Variants in MYO5B observed in about 807,000 individuals in gnomAD.
The protein encoded by MYO5B is unconventional myosin-Vb.
In MYO5B, 143 loss-of-function variants were observed where a neutral mutation model predicts 229.3. That is an observed-to-expected ratio of 0.62 (90% confidence interval 0.54 to 0.72). MYO5B has a LOEUF of 0.72. Ranked by LOEUF, MYO5B falls within the 30% of genes least tolerant of loss-of-function variation. The pLI, the probability that MYO5B is intolerant of heterozygous loss-of-function variation, is 0.00. For missense variants in MYO5B, 2,321 were observed against 2,331.0 expected (o/e 1.00, Z 0.09); for synonymous variants, 918 against 885.2 (o/e 1.04, Z -0.66).
chr18:50,114,681 C>T (rs980177681), intron 1 of MYO5B, among the ~76,000 whole-genome samples: 15 of 152,152 alleles, frequency 9.9e-5, no homozygotes, highest in African/African-American at 3.4e-4. Flanking sequence ...AACTAGAGGA[C>T]CAGAAATAAG....
chr18:49,831,325 A>C (rs915660793), intron 39 of MYO5B, among the ~76,000 whole-genome samples: 1 of 152,248 alleles, frequency 6.6e-6, no homozygotes, highest in Non-Finnish European at 1.5e-5. Context: ...AAGAAAGTGA[A>C]AAGACAACCC....
At chr18:50,124,709 CCCTT>C (rs780087011) in intron 1 of MYO5B, among the ~76,000 whole-genome samples, 77 of 152,088 alleles carry the variant, frequency 5.1e-4, no homozygotes, top group Non-Finnish European at 6.9e-4. Flanking sequence ...CCCCCTGGTG[CCCTT>C]CCTATCAGTA....
chr18:50,020,890 T>A (rs2026266428), intron 4 of MYO5B, among the ~76,000 whole-genome samples: 1 of 152,234 alleles, frequency 6.6e-6, no homozygotes, highest in Non-Finnish European at 1.5e-5. Flanking sequence ...CTAACTGGTA[T>A]TATCTAATTA....
intron 4 of MYO5B, among the ~76,000 whole-genome samples, chr18:50,004,586 TCTTTTGCACATA>T (rs532524896): frequency 7.4e-4 from 113 of 152,304 alleles, no homozygotes; most frequent in African/African-American, 2.6e-3. Context: ...TTATTGCACT[TCTTTTGCACATA>T]CTAGGCACTT....
intron 10 of MYO5B, among the ~76,000 whole-genome samples, chr18:49,968,128 C>A (rs1019029173): frequency 6.6e-6 from 1 of 152,082 alleles, no homozygotes; most frequent in African/African-American, 2.4e-5. Context: ...GGGCAGATGA[C>A]AGGAAACTAG....
intron 12 of MYO5B, among the ~76,000 whole-genome samples, chr18:49,961,147 G>A (rs747536035): frequency 2.2e-4 from 33 of 152,206 alleles, no homozygotes; most frequent in African/African-American, 7.5e-4. Context: ...TGAACAGCAG[G>A]ATGGCCTAGG....
intron 30 of MYO5B, among the ~76,000 whole-genome samples, chr18:49,854,734 C>T (rs370084874): frequency 6.6e-6 from 1 of 152,204 alleles, no homozygotes; most frequent in East Asian, 1.9e-4. Flanking sequence ...GAGGCCGTGG[C>T]TGCCCTGGAG....
chr18:49,917,444 A>G (rs1010285597), intron 17 of MYO5B, among the ~76,000 whole-genome samples: 31 of 150,632 alleles, frequency 2.1e-4, no homozygotes, highest in East Asian at 1.2e-3. Context: ...GACATCAAAA[A>G]TGCTCCCAAA....
At chr18:50,070,304 G>A (rs141414897) in intron 1 of MYO5B, among the ~76,000 whole-genome samples, 73 of 151,996 alleles carry the variant, frequency 4.8e-4, no homozygotes, top group African/African-American at 1.6e-3. Context: ...GACTACAAGC[G>A]TGAGCTATCG....
intron 22 of MYO5B, among the ~76,000 whole-genome samples, chr18:49,884,209 A>G (rs901364749): frequency 3.3e-5 from 5 of 152,194 alleles, no homozygotes; most frequent in Admixed American, 2.0e-4. Context: ...ATGGGAAAAA[A>G]TATTTTCAAA....
At chr18:49,886,742 G>A (rs2024646441) in intron 22 of MYO5B, among the ~76,000 whole-genome samples, 1 of 152,074 alleles carries the variant, frequency 6.6e-6, no homozygotes, top group Admixed American at 6.6e-5. Context: ...TGAGGGCAAG[G>A]TACAGAAGAA....
chr18:49,889,415 A>G (rs955839005), intron 22 of MYO5B, among the ~76,000 whole-genome samples: 3 of 152,238 alleles, frequency 2.0e-5, no homozygotes, highest in African/African-American at 7.2e-5. Flanking sequence ...ATGTACTTCT[A>G]CAGAATAAAG....
At chr18:50,104,265 G>GATATATATATATATATATATATATAT (rs3075606) in intron 1 of MYO5B, among the ~76,000 whole-genome samples, 69 of 134,518 alleles carry the variant, frequency 5.1e-4, no homozygotes, top group African/African-American at 1.7e-3. Context: ...ATCTATACAT[G>GATATATATATATATATATATATATAT]ATATATATAT....
intron 17 of MYO5B, among the ~76,000 whole-genome samples, chr18:49,925,344 C>G (rs545540514): frequency 9.8e-5 from 15 of 152,344 alleles, no homozygotes; most frequent in African/African-American, 3.6e-4. Flanking sequence ...TCCCACTTGT[C>G]TGAACCAAAC....
intron 4 of MYO5B, among the ~76,000 whole-genome samples, chr18:50,028,838 A>C (rs1180087443): frequency 1.3e-5 from 2 of 152,234 alleles, no homozygotes; most frequent in African/African-American, 2.4e-5. Flanking sequence ...TTAAGAAACT[A>C]AAATATCTCT....
At chr18:49,915,105 G>A (rs958098307) in intron 17 of MYO5B, among the ~76,000 whole-genome samples, 2 of 152,120 alleles carry the variant, frequency 1.3e-5, no homozygotes, top group Non-Finnish European at 2.9e-5. Flanking sequence ...GTGAGTATAA[G>A]AGCAAATACC....
chr18:50,110,821 GA>G (rs1165517565), intron 1 of MYO5B, among the ~76,000 whole-genome samples: 1 of 152,020 alleles, frequency 6.6e-6, no homozygotes, highest in South Asian at 2.1e-4. Flanking sequence ...GAGTCTGTTA[GA>G]AAAATAAAAA....
At chr18:50,007,076 G>A (rs1272260933) in intron 4 of MYO5B, among the ~76,000 whole-genome samples, 1 of 152,090 alleles carries the variant, frequency 6.6e-6, no homozygotes, top group Non-Finnish European at 1.5e-5. Flanking sequence ...TGGCACCCGT[G>A]GTATCCTCCC....
intron 14 of MYO5B, among the ~76,000 whole-genome samples, chr18:49,948,148 A>G (rs1361251283): frequency 6.6e-6 from 1 of 152,262 alleles, no homozygotes; most frequent in Non-Finnish European, 1.5e-5. Flanking sequence ...TAAGAATATA[A>G]AAGATATTTC....
Sources: gnomAD v4.1 joint callset for allele counts (sites outside exome capture counted in the v4.1 genomes callset) on GRCh38, gnomAD v4.1.1 for gene constraint, MANE v1.5 for transcripts, NCBI Gene and HGNC (gene_info 2026-07-23, HGNC 2026-07-21) for gene names.